Variants in MANBA observed in about 807,000 individuals in gnomAD.
MANBA encodes the protein mannosidase beta.
In MANBA, 83 loss-of-function variants were observed where a neutral mutation model predicts 111.1. The observed-to-expected ratio is 0.75, with a 90% CI of 0.63 to 0.90. The LOEUF is 0.90. Among genes scored for constraint, MANBA ranks in the 40% least tolerant of loss-of-function variants. The pLI is 0.00. For missense variants in MANBA, 1,036 were observed against 1,069.0 expected (o/e 0.97, Z 0.43); for synonymous variants, 370 against 378.7 (o/e 0.98, Z 0.27).
intron 1 of MANBA, chr4:102,734,286 G>A: frequency 4.2e-6 from 6 of 1,433,966 alleles, no homozygotes; most frequent in Non-Finnish European, 5.7e-6. Flanking sequence ...GGGGGAGAAG[G>A]GCAGCAGCGT....
intron 16 of MANBA, among the ~76,000 whole-genome samples, chr4:102,632,863 T>G (rs1729453149): frequency 6.6e-6 from 1 of 152,228 alleles, no homozygotes; most frequent in South Asian, 2.1e-4. Flanking sequence ...ATTTAAATCG[T>G]GTTGGCTCCA....
chr4:102,730,144 A>T lies in MANBA; in HGVS notation c.178-3461T>A, dbSNP rs746222184. On this transcript the variant is annotated intron_variant, in intron 1 of 16. Coordinates refer to ENST00000647097, the MANE Select transcript of MANBA (RefSeq NM_005908.4). ...CGGGGCCCAGAGGTGGACACCTTGT[A>T]GGACTTCTGGGTCACCCTGATGGAC... The T allele has an allele frequency of 6.6e-5, 79 of 1,197,902 alleles. 1 individual carries two copies. The highest frequency in any genetic ancestry group is 8.5e-5 in the Non-Finnish European group (74 of 866,990). The allele number at this position is 1,197,902 out of a possible 1,614,324, so 74.2% of individuals were successfully genotyped here. A position where few individuals can be genotyped will look rare whatever the true frequency, so the allele number is the denominator to read the frequency against.
At chr4:102,756,243 G>A (rs1219711709) in intron 1 of MANBA, among the ~76,000 whole-genome samples, 1 of 152,164 alleles carries the variant, frequency 6.6e-6, no homozygotes, top group African/African-American at 2.4e-5. Context: ...AACAATGATA[G>A]ACTGGATTAA....
chr4:102,712,175 C>T (rs1228061337), intron 5 of MANBA, among the ~76,000 whole-genome samples: 1 of 152,152 alleles, frequency 6.6e-6, no homozygotes, highest in African/African-American at 2.4e-5. Flanking sequence ...ACCACACATA[C>T]CCCATAAATA....
rs78238035 is a variant in MANBA at position 102,726,528 on chromosome 4, C to A, written c.272+61G>T. 3,990 of 905,270 alleles carry A rather than the reference C, an allele frequency of 4.4e-3. 76 individuals are homozygous for A. In the African/African-American group the frequency reaches 0.05, roughly 11 times the overall value. The allele number at this position is 905,270 out of a possible 1,614,324, so 56.1% of individuals were successfully genotyped here. A position where few individuals can be genotyped will look rare whatever the true frequency, so the allele number is the denominator to read the frequency against. Reference sequence around the variant, plus strand: ...AACAAACAAAACACAACATTTTTGCCCAGATAGAAAAAGAAGAAAAGTTCA... The same window carrying A: ...AACAAACAAAACACAACATTTTTGCACAGATAGAAAAAGAAGAAAAGTTCA... On this transcript the variant is annotated intron_variant, in intron 2 of 16. Transcript: ENST00000647097.
intron 8 of MANBA, chr4:102,672,158 T>C (rs1465537273): frequency 2.5e-6 from 1 of 398,426 alleles, no homozygotes; most frequent in Non-Finnish European, 4.4e-6. Context: ...TAAAATAATA[T>C]ACACATTTTA....
chr4:102,700,406 G>A (rs1484934346), intron 5 of MANBA, among the ~76,000 whole-genome samples: 10 of 151,770 alleles, frequency 6.6e-5, no homozygotes, highest in South Asian at 4.2e-4. Context: ...GCTAGCTTTC[G>A]AATGTGTTTG....
chr4:102,741,440 C>T (rs934741710), intron 1 of MANBA, among the ~76,000 whole-genome samples: 2 of 152,116 alleles, frequency 1.3e-5, no homozygotes, highest in African/African-American at 4.8e-5. Flanking sequence ...CTACTGGGTA[C>T]CTACTCAGAG....
chr4:102,640,239 T>A (rs995476853), intron 13 of MANBA, among the ~76,000 whole-genome samples: 2 of 152,236 alleles, frequency 1.3e-5, no homozygotes, highest in Non-Finnish European at 2.9e-5. Flanking sequence ...ATTTTGCTAA[T>A]ACCTTCATAG....
chr4:102,760,462 AAC>A (rs1228703650), intron 1 of MANBA, among the ~76,000 whole-genome samples: 2 of 152,222 alleles, frequency 1.3e-5, no homozygotes, highest in Non-Finnish European at 2.9e-5. Flanking sequence ...TGCTAGTAGC[AAC>A]ACTGTTCCCC....
rs1578852239 is a variant in MANBA at position 102,631,643 on chromosome 4, T to C, written c.*414A>G. 7.0e-6 allele frequency: 3 copies of C among 429,648 alleles called. No homozygotes were observed. The highest frequency in any genetic ancestry group is 1.8e-4 in the South Asian group (2 of 11,018). 26.6% of individuals were successfully genotyped at this position (429,648 alleles called of 1,614,324 possible). ...CCTCTGAAATAATAACAAAGCACTT[T>C]ATTTGAGTATTCCGTATTCCCCAAA... On this transcript the variant is annotated 3_prime_UTR_variant, in exon 17 of 17. Transcript: ENST00000647097.
chr4:102,751,844 C>T, intron 1 of MANBA: 1 of 489,766 alleles, frequency 2.0e-6, no homozygotes, highest in Non-Finnish European at 4.0e-6. Flanking sequence ...TGGCCTGGGC[C>T]AAAAAAAAAG....
chr4:102,690,649 T>C lies in MANBA; in HGVS notation c.796A>G (p.Ile266Val), dbSNP rs1424334315. 1.9e-6 allele frequency: 3 copies of C among 1,612,876 alleles called. No homozygotes were observed. Among genetic ancestry groups the C allele is most frequent in the Admixed American group, 3.3e-5 (2 of 59,968 alleles). ...PKLQTQQTYS[I>V]ELQPGKRIVE... Reference sequence around the variant, plus strand: ...ATCCTTTTCCCAGGTTGAAGTTCAATGCTGTATGTCTGTTGTGTTTGCAAC... The same window carrying C: ...ATCCTTTTCCCAGGTTGAAGTTCAACGCTGTATGTCTGTTGTGTTTGCAAC... The change falls in exon 6 of 17, where the codon ATT (isoleucine) becomes GTT (valine). Residue 266 changes from isoleucine (I) to valine (V), a missense_variant. Ile to Val is a conservative substitution (Grantham distance 29). Coordinates refer to ENST00000647097, the MANE Select transcript of MANBA (RefSeq NM_005908.4).
chr4:102,645,538 T>C (rs953980119), intron 13 of MANBA, among the ~76,000 whole-genome samples: 3 of 152,068 alleles, frequency 2.0e-5, no homozygotes, highest in African/African-American at 7.2e-5. Flanking sequence ...TTTTGTTTTT[T>C]AACTAACTCA....
At chr4:102,672,937 T>C (rs895378675) in intron 8 of MANBA, among the ~76,000 whole-genome samples, 1 of 152,204 alleles carries the variant, frequency 6.6e-6, no homozygotes, top group African/African-American at 2.4e-5. Context: ...TACGTAGTTA[T>C]CCACTCTTTT....
chr4:102,669,718 C>T (rs530086485), intron 9 of MANBA, among the ~76,000 whole-genome samples: 6 of 152,164 alleles, frequency 3.9e-5, no homozygotes, highest in East Asian at 1.9e-4. Context: ...CGGTGGCTCA[C>T]GCCTGTAATC....
rs765615655 is a variant in MANBA, at chr4:102,634,851, C to A, written c.2352G>T (p.Pro784=). 3.2e-5 allele frequency: 52 copies of A among 1,614,038 alleles called. No homozygotes were observed. Among genetic ancestry groups the A allele is most frequent in the Non-Finnish European group, 4.4e-5 (52 of 1,180,016 alleles). The change falls in exon 16 of 17, where the codon CCG becomes CCT. Residue 784 remains proline, a synonymous_variant. Transcript: ENST00000647097. ...GTGAGGACAAGAAGTGGTAGTTGGT[C>A]GGGCTCAGGAGTTCATGGTCAGCTG... ...YLSADHELLS[P]TNYHFLSSPK... is the part of the protein sequence containing the mutation.
At chr4:102,729,269 A>C in intron 1 of MANBA, 4 of 752,560 alleles carry the variant, frequency 5.3e-6, no homozygotes, top group Non-Finnish European at 9.9e-6. Context: ...GTCTTTGTAC[A>C]CTGCAGGTCA....
At chr4:102,656,210 C>T (rs1730551718) in intron 12 of MANBA, among the ~76,000 whole-genome samples, 1 of 152,100 alleles carries the variant, frequency 6.6e-6, no homozygotes, top group Non-Finnish European at 1.5e-5. Context: ...GCCGTGACCA[C>T]TCCACTGCAC....
Sources: gnomAD v4.1 joint callset for allele counts (sites outside exome capture counted in the v4.1 genomes callset) on GRCh38, gnomAD v4.1.1 for gene constraint, MANE v1.5 for transcripts, NCBI Gene and HGNC (gene_info 2026-07-23, HGNC 2026-07-21) for gene names.